PPFIBP2: variants seen among roughly 807,000 people sequenced by gnomAD.
PPFIBP2 encodes PPFIB scaffold protein 2, also known as liprin-beta-2.
A neutral mutation model predicts 118.3 loss-of-function variants in PPFIBP2; 118 were observed. That is an observed-to-expected ratio of 1.00 (90% confidence interval 0.86 to 1.16). The LOEUF (loss-of-function observed/expected upper bound fraction) is 1.16. Among genes scored for constraint, PPFIBP2 ranks in the 50% most tolerant of loss-of-function variants. The pLI, the probability that PPFIBP2 is intolerant of heterozygous loss-of-function variation, is 0.00. For missense variants in PPFIBP2, 1,195 were observed against 1,073.1 expected (o/e 1.11, Z -1.59); for synonymous variants, 414 against 397.4 (o/e 1.04, Z -0.50).
chr11:7,604,569 C>G (rs1021468063), intron 5 of PPFIBP2, among the ~76,000 whole-genome samples: 3 of 151,640 alleles, frequency 2.0e-5, no homozygotes, highest in African/African-American at 7.3e-5. Flanking sequence ...CCCACACACA[C>G]ACCTACTCAC....
chr11:7,654,405 CGCA>C (rs1401158717), downstream of PPFIBP2, among the ~76,000 whole-genome samples: 6 of 152,216 alleles, frequency 3.9e-5, no homozygotes, highest in African/African-American at 1.2e-4. Context: ...TGGGCCTCAT[CGCA>C]GAAGAGTAAC....
At chr11:7,663,671 T>C in the PPFIBP2 span, among the ~76,000 whole-genome samples, 1 of 152,236 alleles carries the variant, frequency 6.6e-6, no homozygotes, top group Non-Finnish European at 1.5e-5. Context: ...TGTGGTGGGC[T>C]CCACCCAGTT....
intron 8 of PPFIBP2, among the ~76,000 whole-genome samples, chr11:7,628,030 G>C (rs139009166): frequency 6.6e-6 from 1 of 152,052 alleles, no homozygotes; most frequent in Non-Finnish European, 1.5e-5. Flanking sequence ...CTGTCCTCTC[G>C]AGTACATGGG....
intron 2 of PPFIBP2, among the ~76,000 whole-genome samples, chr11:7,557,044 T>A (rs1457889872): frequency 6.6e-6 from 1 of 152,232 alleles, no homozygotes; most frequent in Non-Finnish European, 1.5e-5. Flanking sequence ...TCCTCTGTAT[T>A]CTTCTGGAAT....
chr11:7,597,342 C>T (rs1860524874), intron 4 of PPFIBP2: 1 of 1,535,718 alleles, frequency 6.5e-7, no homozygotes, highest in Non-Finnish European at 8.7e-7. Context: ...TGACCCATGT[C>T]ATCAGAGCAG....
intron 5 of PPFIBP2, among the ~76,000 whole-genome samples, chr11:7,602,483 C>T (rs1006078881): frequency 1.3e-5 from 2 of 152,142 alleles, no homozygotes; most frequent in African/African-American, 4.8e-5. Flanking sequence ...ACAATAAGCT[C>T]CTCTGCCTCT....
chr11:7,604,562 A>C (rs1292229221), intron 5 of PPFIBP2, among the ~76,000 whole-genome samples: 2 of 149,334 alleles, frequency 1.3e-5, no homozygotes, highest in African/African-American at 2.5e-5. Context: ...CACACACCCC[A>C]CACACACACC....
At chr11:7,546,827 C>T (rs150178513) in intron 1 of PPFIBP2, among the ~76,000 whole-genome samples, 2 of 152,330 alleles carry the variant, frequency 1.3e-5, no homozygotes, top group Non-Finnish European at 2.9e-5. Context: ...TCCTTCAAGA[C>T]CCAGGGAACT....
chr11:7,664,806 T>TC, the PPFIBP2 span, among the ~76,000 whole-genome samples: 32 of 90,650 alleles, frequency 3.5e-4, no homozygotes, highest in African/African-American at 6.9e-4. Flanking sequence ...TGGCTGTCCC[T>TC]CCCCCCCACC....
chr11:7,515,243 T>C (rs1193748169), intron 1 of PPFIBP2, among the ~76,000 whole-genome samples: 2 of 152,206 alleles, frequency 1.3e-5, no homozygotes, highest in Non-Finnish European at 2.9e-5. Context: ...TTGATGAGGT[T>C]TTCACTGATT....
intron 3 of PPFIBP2, among the ~76,000 whole-genome samples, chr11:7,590,561 G>A (rs965653760): frequency 1.3e-5 from 2 of 152,114 alleles, no homozygotes; most frequent in East Asian, 3.8e-4. Context: ...CACTGTTCTA[G>A]GTCCTCTAAC....
chr11:7,547,002 T>G (rs914255282), intron 1 of PPFIBP2, among the ~76,000 whole-genome samples: 1 of 152,226 alleles, frequency 6.6e-6, no homozygotes, highest in South Asian at 2.1e-4. Flanking sequence ...ATCTGTCCAT[T>G]TATTCATAAG....
Position 7,650,874 on chromosome 11 carries a change from C to G in PPFIBP2, c.2156C>G (p.Ser719Cys), listed in dbSNP as rs1029172681. The G allele has an allele frequency of 5.0e-6, 8 of 1,614,016 alleles. No homozygotes were observed. Among genetic ancestry groups the G allele is most frequent in the Non-Finnish European group, 6.8e-6 (8 of 1,179,926 alleles). Residue 719 changes from serine (S) to cysteine (C), a missense_variant, in exon 22 of 24, where the codon TCC becomes TGC. By Grantham distance (112) the Ser-to-Cys change is moderately radical (BLOSUM62 -1). Coordinates refer to ENST00000299492, the MANE Select transcript of PPFIBP2 (RefSeq NM_003621.5). ...NLSPSEVVQWSNHRVMEWLRS... is the reference protein window; with the variant it reads ...NLSPSEVVQWCNHRVMEWLRS... The stretch of plus-strand genomic sequence containing the variant: ...TCTCCTTCAGAAGTTGTACAGTGGT[C>G]CAACCACAGGGTGATGGAGTGGTTA...
At chr11:7,524,975 A>C (rs978149413) in intron 1 of PPFIBP2, among the ~76,000 whole-genome samples, 3 of 152,190 alleles carry the variant, frequency 2.0e-5, no homozygotes, top group Non-Finnish European at 2.9e-5. Context: ...CCTGGTAACA[A>C]CAACAGCCTT....
At chr11:7,577,320 C>CAT in intron 3 of PPFIBP2, 1 of 219,422 alleles carries the variant, frequency 4.6e-6, no homozygotes, top group Non-Finnish European at 9.4e-6. Flanking sequence ...CATGTATGTG[C>CAT]GTGTGTGTGT....
At chr11:7,598,807 G>C (rs1385215630) in intron 5 of PPFIBP2, among the ~76,000 whole-genome samples, 1 of 149,496 alleles carries the variant, frequency 6.7e-6, no homozygotes. Flanking sequence ...GGTGAACACA[G>C]GCTTTGCATT....
chr11:7,604,045 A>C (rs1339135893), intron 5 of PPFIBP2, among the ~76,000 whole-genome samples: 1 of 152,176 alleles, frequency 6.6e-6, no homozygotes. Flanking sequence ...GGAAGCCTTC[A>C]GCAGGGGGCA....
At chr11:7,529,205 T>C (rs992193484) in intron 1 of PPFIBP2, among the ~76,000 whole-genome samples, 1 of 152,176 alleles carries the variant, frequency 6.6e-6, no homozygotes, top group Non-Finnish European at 1.5e-5. Context: ...TAAGGTACAC[T>C]GTGAGAACCC....
chr11:7,626,408 A>C (rs925922107), intron 8 of PPFIBP2, among the ~76,000 whole-genome samples: 1 of 152,140 alleles, frequency 6.6e-6, no homozygotes, highest in African/African-American at 2.4e-5. Flanking sequence ...CCCTAACTCA[A>C]ATAGGTGCTC....
Sources: gnomAD v4.1 joint callset for allele counts (sites outside exome capture counted in the v4.1 genomes callset) on GRCh38, gnomAD v4.1.1 for gene constraint, MANE v1.5 for transcripts, NCBI Gene and HGNC (gene_info 2026-07-23, HGNC 2026-07-21) for gene names.